Variants in JHY observed in about 807,000 individuals in gnomAD.
JHY encodes jhy protein homolog.
In JHY, 69 loss-of-function variants were observed where a neutral mutation model predicts 78.0. That is an observed-to-expected ratio of 0.88 (90% CI 0.73 to 1.08). JHY has a LOEUF of 1.08. Ranked by LOEUF, JHY falls within the 50% of genes least tolerant of loss-of-function variation. JHY has a pLI of 0.00. For missense variants in JHY, 944 were observed against 927.8 expected (o/e 1.02, Z -0.23); for synonymous variants, 368 against 342.6 (o/e 1.07, Z -0.82).
chr11:122,963,033 T>C lies in JHY; in HGVS notation c.*3588T>C, dbSNP rs971578750. Among the ~76,000 whole-genome samples the C allele has an allele frequency of 4.0e-5, 5 of 124,366 alleles. No homozygotes were observed. Among genetic ancestry groups the C allele is most frequent in the African/African-American group, 1.4e-4 (5 of 36,424 alleles). 81.6% of individuals were successfully genotyped at this position (124,366 alleles called of 152,430 possible). A position where few individuals can be genotyped will look rare whatever the true frequency, so the allele number is the denominator to read the frequency against. ...CAATTTTTAGAAATATGCATTACTA[T>C]GTACCTAATAGTTTTTTAGCATGTA... On this transcript the variant is annotated 3_prime_UTR_variant, in exon 9 of 9. Coordinates refer to ENST00000227349, the MANE Select transcript of JHY (RefSeq NM_024806.4).
In JHY at chr11:122,886,095, G is replaced by T. The variant is rs749801984; in HGVS notation, c.246G>T (p.Trp82Cys). Residue 82 changes from tryptophan to cysteine, a missense_variant, in exon 2 of 9, where the codon TGG becomes TGT. Coordinates refer to ENST00000227349, the MANE Select transcript of JHY (RefSeq NM_024806.4). Reference sequence around the variant, plus strand: ...TAGACGAGGAGGAAAGCCCTCGATGGGGAAGCCTGCACGAGATGGAAGAGG... The same window carrying T: ...TAGACGAGGAGGAAAGCCCTCGATGTGGAAGCCTGCACGAGATGGAAGAGG... ...DSLDEEESPR[W>C]GSLHEMEEEA... 4.3e-6 allele frequency: 7 copies of T among 1,614,160 alleles called. No individual in the cohort carries two copies. Among genetic ancestry groups the T allele is most frequent in the Non-Finnish European group, 5.1e-6 (6 of 1,180,044 alleles).
intron 3 of JHY, 116 bp from the exon 4 acceptor site, chr11:122,924,781 C>A: frequency 2.8e-6 from 2 of 716,132 alleles, no homozygotes; most frequent in Non-Finnish European, 4.8e-6. Flanking sequence ...TTGAAATTAA[C>A]TGAAAATAAA....
chr11:122,950,081 G>T (rs1413002812), intron 6 of JHY, among the ~76,000 whole-genome samples: 1 of 152,024 alleles, frequency 6.6e-6, no homozygotes, highest in Non-Finnish European at 1.5e-5. Flanking sequence ...TGATCCACCT[G>T]CCTTGGCCTC....
chr11:122,930,827 G>A (rs576047507), intron 4 of JHY, among the ~76,000 whole-genome samples: 11 of 152,278 alleles, frequency 7.2e-5, no homozygotes, highest in Non-Finnish European at 1.5e-4. Context: ...TCTTTTCCAG[G>A]TATCTTAGTC....
At position 122,957,595 on chromosome 11, in the gene JHY, G is replaced by A. The variant is rs551745033; in HGVS notation, c.2139+104G>A. 1.0e-4 allele frequency: 121 copies of A among 1,188,406 alleles called. 2 individuals are homozygous for A. The highest frequency in any genetic ancestry group is 9.5e-4 in the African/African-American group (52 of 54,694). 73.6% of individuals were successfully genotyped at this position (1,188,406 alleles called of 1,614,324 possible). A position where few individuals can be genotyped will look rare whatever the true frequency, so the allele number is the denominator to read the frequency against. ...TTTTAATTAGCCACAGAGTCTTGCCGTCTTGCCCAGGATGGTCATAAACTC... is the reference window on the plus strand; with the variant it reads ...TTTTAATTAGCCACAGAGTCTTGCCATCTTGCCCAGGATGGTCATAAACTC... On this transcript the variant is annotated intron_variant, in intron 8 of 8. Transcript: ENST00000227349.
chr11:122,915,497 A>AT (rs1180535180), intron 3 of JHY, among the ~76,000 whole-genome samples: 4 of 151,776 alleles, frequency 2.6e-5, no homozygotes, highest in Non-Finnish European at 4.4e-5. Flanking sequence ...GAAAAAGGGT[A>AT]TTTTTTTTGT....
Position 122,956,511 on chromosome 11 carries a change from G to A in JHY, c.1945G>A (p.Gly649Ser), listed in dbSNP as rs747194418. 1.2e-6 allele frequency: 2 copies of A among 1,613,500 alleles called. No homozygotes were observed. Among genetic ancestry groups the A allele is most frequent in the Non-Finnish European group, 1.7e-6 (2 of 1,179,608 alleles). ...RSSSKNTKLK[G>S]YQKRDVKLGG... ...GTATTTTTAGAACACCAAGCTGAAAGGTTATCAGAAAAGAGACGTGAAGCT... is the reference window on the plus strand; with the variant it reads ...GTATTTTTAGAACACCAAGCTGAAAAGTTATCAGAAAAGAGACGTGAAGCT... The change falls in exon 7 of 9, where the codon GGT (glycine) becomes AGT (serine). Residue 649 changes from glycine to serine, a missense_variant. Transcript: ENST00000227349.
In JHY at chr11:122,934,723, A is replaced by G. The variant is rs147942957; in HGVS notation, c.1282A>G (p.Arg428Gly). ...CTCTAACAATGATGTACAAGCCTCA[A>G]GGGCACTTAGAAGCCACAATCTCAA... is the stretch of plus-strand genomic sequence containing the variant. Reference protein sequence around the residue: ...HASNNDVQASRALRSHNLKET... With the variant: ...HASNNDVQASGALRSHNLKET... The change falls in exon 5 of 9, where the codon AGG becomes GGG. Residue 428 changes from arginine (R) to glycine (G), a missense_variant. By Grantham distance (125) the Arg-to-Gly change is moderately radical. Coordinates refer to ENST00000227349, the MANE Select transcript of JHY (RefSeq NM_024806.4). The G allele has an allele frequency of 5.8e-4, 933 of 1,614,220 alleles. No homozygotes were observed. Among genetic ancestry groups the G allele is most frequent in the Middle Eastern group, 3.0e-3 (18 of 6,062 alleles).
At chr11:122,936,248 A>C (rs913944669) in intron 5 of JHY, among the ~76,000 whole-genome samples, 1 of 152,228 alleles carries the variant, frequency 6.6e-6, no homozygotes, top group African/African-American at 2.4e-5. Flanking sequence ...GTACAAAAGA[A>C]GTATGGTGTG....
chr11:122,891,373 C>T (rs990437750), intron 2 of JHY, among the ~76,000 whole-genome samples: 2 of 152,074 alleles, frequency 1.3e-5, no homozygotes, highest in Non-Finnish European at 2.9e-5. Flanking sequence ...AAACCTTTTA[C>T]TTAATGGAAT....
intron 2 of JHY, among the ~76,000 whole-genome samples, chr11:122,890,608 T>C (rs1471707958): frequency 1.3e-5 from 2 of 152,172 alleles, no homozygotes; most frequent in Non-Finnish European, 2.9e-5. Flanking sequence ...GGTTTTTTTC[T>C]CCTTTTGTCC....
chr11:122,935,192 G>T lies in JHY; in HGVS notation c.1634+117G>T. 1 of 925,916 alleles carries T rather than the reference G, an allele frequency of 1.1e-6. No homozygotes were observed. Among genetic ancestry groups the T allele is most frequent in the South Asian group, 2.2e-5 (1 of 46,318 alleles). 57.4% of individuals were successfully genotyped at this position (925,916 alleles called of 1,614,324 possible). A position where few individuals can be genotyped will look rare whatever the true frequency, so the allele number is the denominator to read the frequency against. ...ATAAGGTGGCTAGGTGAGAAGAAGA[G>T]TTCACCTAACAACTTCCTTAGCTCT... On this transcript the variant is annotated intron_variant, in intron 5 of 8. Transcript: ENST00000227349. The surrounding 1 kb of genome is among the most constrained non-coding windows in gnomAD (Gnocchi z 4.5).
At chr11:122,889,870 T>C (rs1435227352) in intron 2 of JHY, among the ~76,000 whole-genome samples, 5 of 152,116 alleles carry the variant, frequency 3.3e-5, no homozygotes, top group Admixed American at 6.6e-5. Flanking sequence ...ATGATTCTCG[T>C]GCTTCAGCCT....
intron 3 of JHY, among the ~76,000 whole-genome samples, chr11:122,920,120 C>T (rs116053254): frequency 0.019 from 2,853 of 152,202 alleles, 73 homozygotes; most frequent in African/African-American, 0.064. Flanking sequence ...GCAGTGCTGG[C>T]GTGAGCAGGT....
At chr11:122,950,079 C>G (rs1864057347) in intron 6 of JHY, among the ~76,000 whole-genome samples, 1 of 152,114 alleles carries the variant, frequency 6.6e-6, no homozygotes, top group Non-Finnish European at 1.5e-5. Flanking sequence ...GATGATCCAC[C>G]TGCCTTGGCC....
Position 122,959,612 on chromosome 11 carries a change from G to T in JHY, c.*167G>T. The T allele has an allele frequency of 1.6e-6, 1 of 629,670 alleles. No homozygotes were observed. The highest frequency in any genetic ancestry group is 2.5e-5 in the South Asian group (1 of 40,360). The allele number at this position is 629,670 out of a possible 1,614,324, so 39.0% of individuals were successfully genotyped here. ...AAAATATGAGGCCCAATTGGATTAT[G>T]GTGCCATATTTTACTTTCTAGGAAG... is the stretch of plus-strand genomic sequence containing the variant. On this transcript the variant is annotated 3_prime_UTR_variant, in exon 9 of 9. Transcript: ENST00000227349.
At chr11:122,916,683 A>T (rs1012662300) in intron 3 of JHY, among the ~76,000 whole-genome samples, 4 of 152,186 alleles carry the variant, frequency 2.6e-5, no homozygotes, top group African/African-American at 9.7e-5. Context: ...TCTGTCAACC[A>T]GGCTAGAGCG....
chr11:122,935,543 A>G lies in JHY; in HGVS notation c.1634+468A>G, dbSNP rs1591391294. Among the ~76,000 whole-genome samples, 1 of 152,076 alleles carries G rather than the reference A, an allele frequency of 6.6e-6. No homozygotes were observed. The highest frequency in any genetic ancestry group is 2.1e-4 in the South Asian group (1 of 4,830). ...AGCCACCGCACCCGGCCAAGAGTCT[A>G]CTTTTGATGGATTTCTTTTCCTCTT... On this transcript the variant is annotated intron_variant, in intron 5 of 8. Transcript: ENST00000227349. This position sits in a 1 kb window ranked among gnomAD's most constrained non-coding sequence, Gnocchi z 4.5.
intron 4 of JHY, chr11:122,926,886 A>G (rs1269364132): frequency 6.6e-6 from 1 of 152,256 alleles, no homozygotes; most frequent in Non-Finnish European, 1.5e-5. Context: ...AAATGCTAGA[A>G]TTCTATGACC....
Sources: allele counts gnomAD v4.1 joint callset (sites outside exome capture counted in the v4.1 genomes callset), GRCh38; gene constraint gnomAD v4.1.1; non-coding constraint Gnocchi (gnomAD v3.1); transcripts MANE v1.5; gene names NCBI Gene and HGNC (gene_info 2026-07-23, HGNC 2026-07-21).